The following KCNQ5 variants were observed in gnomAD, a reference collection of about 807,000 sequenced individuals.
The protein encoded by KCNQ5 is potassium voltage-gated channel subfamily KQT member 5.
In KCNQ5, 30 loss-of-function variants were observed where a neutral mutation model predicts 98.2. The ratio of observed to expected loss-of-function variants is 0.31; its 90% confidence interval spans 0.23 to 0.41. The LOEUF (loss-of-function observed/expected upper bound fraction) is 0.41. Ranked by LOEUF, KCNQ5 falls within the 10% of genes least tolerant of loss-of-function variation. KCNQ5 has a pLI of 1.00. For missense variants in KCNQ5, 835 were observed against 1,182.5 expected, an observed-to-expected ratio of 0.71 and a Z score of 4.31; for synonymous variants, 458 against 449.4, an observed-to-expected ratio of 1.02 and a Z score of -0.24.
intron 1 of KCNQ5, among the ~76,000 whole-genome samples, chr6:72,763,838 C>T (rs556824923): frequency 1.3e-4 from 20 of 151,950 alleles, no homozygotes; most frequent in African/African-American, 3.4e-4. Flanking sequence ...CAGGACTTCT[C>T]GGGGAGAAAA....
chr6:72,662,075 TTTC>T (rs1339369952), intron 1 of KCNQ5, among the ~76,000 whole-genome samples: 2 of 152,268 alleles, frequency 1.3e-5, no homozygotes, highest in African/African-American at 4.8e-5. Context: ...TGGCATAATC[TTTC>T]TTCTTATTTC....
chr6:72,973,536 G>C (rs1204569090), intron 1 of KCNQ5, among the ~76,000 whole-genome samples: 1 of 152,150 alleles, frequency 6.6e-6, no homozygotes, highest in African/African-American at 2.4e-5. Context: ...GCAAAAAAGA[G>C]ATGCTCTGGA....
chr6:72,897,108 G>T (rs1488192792), intron 1 of KCNQ5, among the ~76,000 whole-genome samples: 1 of 152,248 alleles, frequency 6.6e-6, no homozygotes, highest in East Asian at 1.9e-4. Flanking sequence ...ACGATGGGAA[G>T]AGCAGAGTAC....
At chr6:72,698,652 T>C (rs1487123643) in intron 1 of KCNQ5, among the ~76,000 whole-genome samples, 50 of 125,322 alleles carry the variant, frequency 4.0e-4, no homozygotes, top group African/African-American at 2.0e-3. Flanking sequence ...CTTCTTCTTT[T>C]TTTTTTTTTT....
intron 1 of KCNQ5, among the ~76,000 whole-genome samples, chr6:72,850,398 CT>C (rs1170369956): frequency 6.6e-6 from 1 of 152,162 alleles, no homozygotes; most frequent in East Asian, 1.9e-4. Context: ...AGAGCTATGG[CT>C]TTTTAGCTCT....
At chr6:72,725,161 TC>T in intron 1 of KCNQ5, among the ~76,000 whole-genome samples, 1 of 152,188 alleles carries the variant, frequency 6.6e-6, no homozygotes, top group East Asian at 1.9e-4. Context: ...GAATTTGGTA[TC>T]CTTTCAAATA....
chr6:72,664,145 A>T (rs1309795212), intron 1 of KCNQ5, among the ~76,000 whole-genome samples: 1 of 152,182 alleles, frequency 6.6e-6, no homozygotes, highest in Non-Finnish European at 1.5e-5. Context: ...AGTGAACAGA[A>T]AGTGTTAGGA....
chr6:73,070,870 G>A (rs1441042064), intron 3 of KCNQ5, among the ~76,000 whole-genome samples: 3 of 152,108 alleles, frequency 2.0e-5, no homozygotes, highest in Admixed American at 6.5e-5. Context: ...ACATATCTGT[G>A]GTAGACAGCT....
intron 1 of KCNQ5, among the ~76,000 whole-genome samples, chr6:72,926,647 A>G (rs1010663482): frequency 7.2e-5 from 11 of 152,154 alleles, no homozygotes; most frequent in Non-Finnish European, 1.3e-4. Flanking sequence ...TCTTTATATA[A>G]TATTTCTAAG....
intron 5 of KCNQ5, among the ~76,000 whole-genome samples, chr6:73,091,093 C>T (rs557439988): frequency 3.3e-5 from 5 of 152,258 alleles, no homozygotes; most frequent in South Asian, 4.1e-4. Context: ...CAATGATAGA[C>T]TGGATAAAGA....
intron 1 of KCNQ5, among the ~76,000 whole-genome samples, chr6:72,663,125 C>A (rs114323688): frequency 4.0e-5 from 6 of 151,688 alleles, no homozygotes; most frequent in African/African-American, 1.2e-4. Flanking sequence ...CATTACACAC[C>A]GGGGACTGTC....
intron 3 of KCNQ5, chr6:73,055,569 C>A: frequency 7.1e-7 from 1 of 1,399,782 alleles, no homozygotes; most frequent in Non-Finnish European, 1.0e-6. Context: ...GACACTATTG[C>A]CAGAGCTCTG....
chr6:72,940,310 G>A (rs970170479), intron 1 of KCNQ5, among the ~76,000 whole-genome samples: 57 of 152,126 alleles, frequency 3.7e-4, no homozygotes, highest in African/African-American at 1.3e-3. Flanking sequence ...TTATTGAGAC[G>A]GTTATTATTT....
rs111544625 is a variant in KCNQ5, at chr6:73,197,467, C to G, written c.*2053C>G. On this transcript the variant is annotated 3_prime_UTR_variant, in exon 14 of 14. Transcript: ENST00000370398. Reference sequence around the variant, plus strand: ...CACTTCAGTTAAGACATTGTCAATCCTTTTAAGCAATTGTTTTCATTTTCA... The same window carrying G: ...CACTTCAGTTAAGACATTGTCAATCGTTTTAAGCAATTGTTTTCATTTTCA... 6.6e-6 allele frequency: 1 copy of G among 151,998 alleles called. No homozygotes were observed. The highest frequency in any genetic ancestry group is 1.5e-5 in the Non-Finnish European group (1 of 68,014). 9.4% of individuals were successfully genotyped at this position (151,998 alleles called of 1,614,324 possible). A position where few individuals can be genotyped will look rare whatever the true frequency, so the allele number is the denominator to read the frequency against.
chr6:73,066,390 G>C (rs897046853), intron 3 of KCNQ5, among the ~76,000 whole-genome samples: 5 of 151,968 alleles, frequency 3.3e-5, no homozygotes, highest in African/African-American at 1.2e-4. Flanking sequence ...TTTAACATCA[G>C]CCTACCCCAG....
intron 1 of KCNQ5, among the ~76,000 whole-genome samples, chr6:72,887,863 C>T (rs978277963): frequency 6.6e-6 from 1 of 151,938 alleles, no homozygotes; most frequent in African/African-American, 2.4e-5. Context: ...TTTAAAAGCA[C>T]AAATATACTG....
rs1282553849 is a variant in KCNQ5 at position 73,194,460 on chromosome 6, C to T, written c.1845C>T (p.Ser615=). The T allele has an allele frequency of 1.2e-6, 2 of 1,612,938 alleles. No individual in the cohort carries two copies. Among genetic ancestry groups the T allele is most frequent in the Non-Finnish European group, 1.7e-6 (2 of 1,179,150 alleles). The change falls in exon 14 of 14, where the codon TCC becomes TCT. Residue 615 remains serine, a synonymous_variant. Transcript: ENST00000370398. ...RVVKVEKQVQ[S]IESKLDCLLD... ...ATTTTCCTCACTTCTAGGTACAGTC[C>T]ATAGAATCCAAGCTGGACTGCCTAC...
intron 1 of KCNQ5, among the ~76,000 whole-genome samples, chr6:72,964,998 A>T (rs1325498662): frequency 6.6e-6 from 1 of 152,056 alleles, no homozygotes; most frequent in Non-Finnish European, 1.5e-5. Flanking sequence ...TATTTTGTAG[A>T]AATTGGGTCT....
chr6:73,012,520 G>C (rs898198263), intron 2 of KCNQ5, among the ~76,000 whole-genome samples: 2 of 152,072 alleles, frequency 1.3e-5, no homozygotes, highest in African/African-American at 4.8e-5. Flanking sequence ...AGCATTACAA[G>C]AAGAAAAGAG....
Sources: gnomAD v4.1 joint callset for allele counts (sites outside exome capture counted in the v4.1 genomes callset) on GRCh38, gnomAD v4.1.1 for gene constraint, MANE v1.5 for transcripts, NCBI Gene and HGNC (gene_info 2026-07-23, HGNC 2026-07-21) for gene names.